PRKG1: variants seen among roughly 807,000 people sequenced by gnomAD.
PRKG1 encodes cGMP-dependent protein kinase 1.
A neutral mutation model predicts 88.1 loss-of-function variants in PRKG1; 35 were observed. That is an observed-to-expected ratio of 0.40 (90% CI 0.30 to 0.53). PRKG1 has a LOEUF of 0.53. Ranked by LOEUF, PRKG1 falls within the 20% of genes least tolerant of loss-of-function variation. PRKG1 has a pLI of 0.59. For synonymous variants in PRKG1, 303 were observed against 292.5 expected (o/e 1.04, Z -0.37); for missense variants, 540 against 839.8 (o/e 0.64, Z 4.41).
chr10:52,260,337 T>TA (rs1841404718), intron 10 of PRKG1, among the ~76,000 whole-genome samples: 3 of 152,086 alleles, frequency 2.0e-5, no homozygotes, highest in Non-Finnish European at 4.4e-5. Flanking sequence ...TGTAACAGTT[T>TA]AAAAAATTAT....
At chr10:51,746,965 C>T (rs1304812780) in intron 3 of PRKG1, among the ~76,000 whole-genome samples, 2 of 152,072 alleles carry the variant, frequency 1.3e-5, no homozygotes, top group East Asian at 1.9e-4. Flanking sequence ...TTTCTGGCTA[C>T]CACCTTATTT....
intron 2 of PRKG1, among the ~76,000 whole-genome samples, chr10:51,381,284 A>AAAAAAAAAAAAAAAAAG: frequency 7.3e-6 from 1 of 137,246 alleles, no homozygotes; most frequent in Non-Finnish European, 1.6e-5. Context: ...AAAAAAAAAA[A>AAAAAAAAAAAAAAAAAG]AAAAAAAAAA....
At chr10:51,522,966 C>G (rs1841774217) in intron 3 of PRKG1, among the ~76,000 whole-genome samples, 1 of 152,112 alleles carries the variant, frequency 6.6e-6, no homozygotes, top group Non-Finnish European at 1.5e-5. Context: ...TTAAGTGATC[C>G]TATCCTTTAT....
intron 9 of PRKG1, among the ~76,000 whole-genome samples, chr10:52,186,980 A>T (rs1440008889): frequency 6.6e-6 from 1 of 152,178 alleles, no homozygotes; most frequent in Admixed American, 6.5e-5. Context: ...CCAAAATCTG[A>T]TTAATACAAA....
chr10:51,361,248 G>A (rs1842474147), intron 2 of PRKG1, among the ~76,000 whole-genome samples: 1 of 151,820 alleles, frequency 6.6e-6, no homozygotes, highest in African/African-American at 2.4e-5. Flanking sequence ...CATTTATTTA[G>A]CCCATGCTAC....
intron 2 of PRKG1, among the ~76,000 whole-genome samples, chr10:51,179,273 A>G (rs535059165): frequency 6.6e-6 from 1 of 152,360 alleles, no homozygotes; most frequent in South Asian, 2.1e-4. Flanking sequence ...AGACTAGTCA[A>G]GAAGACATCT....
chr10:51,131,569 A>G (rs1194597071), intron 1 of PRKG1, among the ~76,000 whole-genome samples: 2 of 152,194 alleles, frequency 1.3e-5, no homozygotes, highest in Non-Finnish European at 2.9e-5. Context: ...CAACATGGTG[A>G]AACTCCATCT....
At chr10:51,051,461 T>C (rs1199407647) in intron 1 of PRKG1, among the ~76,000 whole-genome samples, 2 of 152,124 alleles carry the variant, frequency 1.3e-5, no homozygotes, top group African/African-American at 4.8e-5. Flanking sequence ...TGAAGATCAG[T>C]TGACCCATTA....
chr10:51,173,211 A>T (rs980326287), intron 2 of PRKG1, among the ~76,000 whole-genome samples: 1 of 152,024 alleles, frequency 6.6e-6, no homozygotes, highest in African/African-American at 2.4e-5. Context: ...CATCTGGCTT[A>T]TTTTGAATAT....
In PRKG1 at chr10:51,685,911, C is replaced by T. The variant is rs190651540; in HGVS notation, c.593-118674C>T. 5.9e-5 allele frequency among the ~76,000 whole-genome samples: 9 copies of T among 152,256 alleles called. No individual in the cohort carries two copies. In the East Asian group the frequency reaches 1.5e-3, roughly 26 times the overall value. The stretch of plus-strand genomic sequence containing the variant: ...CTTCTTTGAAGAGACCACTCTTCAG[C>T]CCTGGTCATTTGTGAGCCTTTGCCA... On this transcript the variant is annotated intron_variant, in intron 3 of 17. Coordinates refer to ENST00000373980, the MANE Select transcript of PRKG1 (RefSeq NM_006258.4).
intron 3 of PRKG1, among the ~76,000 whole-genome samples, chr10:51,597,327 A>G (rs1838478149): frequency 6.6e-6 from 1 of 152,152 alleles, no homozygotes; most frequent in African/African-American, 2.4e-5. Flanking sequence ...TCTCAGTTTA[A>G]TCACACACAC....
intron 5 of PRKG1, among the ~76,000 whole-genome samples, chr10:52,021,941 A>T (rs1845196545): frequency 6.6e-6 from 1 of 152,168 alleles, no homozygotes; most frequent in Non-Finnish European, 1.5e-5. Flanking sequence ...TATCTTCCTT[A>T]TTTATAGTTA....
intron 1 of PRKG1, among the ~76,000 whole-genome samples, chr10:51,096,041 T>TTG (rs1844519229): frequency 6.6e-6 from 1 of 152,048 alleles, no homozygotes; most frequent in Admixed American, 6.6e-5. Context: ...CCCATCAAAG[T>TTG]TGTGTGTGTG....
intron 2 of PRKG1, chr10:51,299,701 A>G (rs570033516): frequency 2.0e-5 from 9 of 440,384 alleles, no homozygotes; most frequent in Admixed American, 5.6e-5. Context: ...AGCCACAGGT[A>G]TATTGCTCTC....
At chr10:52,021,380 T>C (rs1845180475) in intron 5 of PRKG1, among the ~76,000 whole-genome samples, 1 of 152,198 alleles carries the variant, frequency 6.6e-6, no homozygotes, top group Non-Finnish European at 1.5e-5. Context: ...CAAAGGTATC[T>C]GGTTTAGTGC....
At position 51,818,691 on chromosome 10, in the gene PRKG1, A is replaced by T. The variant is rs181716390; in HGVS notation, c.698+14001A>T. 4.6e-5 allele frequency among the ~76,000 whole-genome samples: 7 copies of T among 152,254 alleles called. No homozygotes were observed. The East Asian group carries it at 1.4e-3, about 29-fold the overall frequency. ...TCAGTACTGGCTTTGTCACTGCCTT[A>T]GTCTGTTTAATATTGTTGTAAAAGA... On this transcript the variant is annotated intron_variant, in intron 4 of 17. Transcript: ENST00000373980.
At chr10:52,030,878 G>A (rs1845458918) in intron 5 of PRKG1, among the ~76,000 whole-genome samples, 1 of 152,104 alleles carries the variant, frequency 6.6e-6, no homozygotes, top group African/African-American at 2.4e-5. Flanking sequence ...TGGAAATTTT[G>A]CTTGTGAGGG....
At chr10:51,870,785 G>A (rs1464227436) in intron 4 of PRKG1, among the ~76,000 whole-genome samples, 4 of 151,840 alleles carry the variant, frequency 2.6e-5, no homozygotes, top group Non-Finnish European at 4.4e-5. Context: ...AACCTTCAAT[G>A]TAGTGATTTC....
chr10:51,564,257 T>C (rs540979720), intron 3 of PRKG1, among the ~76,000 whole-genome samples: 125 of 152,108 alleles, frequency 8.2e-4, no homozygotes, highest in African/African-American at 2.8e-3. Flanking sequence ...TTCTCACATA[T>C]GTACTAATGG....
Sources: gnomAD v4.1 joint callset for allele counts (sites outside exome capture counted in the v4.1 genomes callset) on GRCh38, gnomAD v4.1.1 for gene constraint, MANE v1.5 for transcripts, NCBI Gene and HGNC (gene_info 2026-07-23, HGNC 2026-07-21) for gene names.